The following TTN variants were observed in gnomAD, a reference collection of about 807,000 sequenced individuals.
The protein encoded by TTN is connectin.
TTN carries 1,525 observed loss-of-function variants against 3,223.0 expected under a neutral mutation model. The observed-to-expected ratio is 0.47, with a 90% CI of 0.45 to 0.49. The LOEUF is 0.49. Ranked by LOEUF, TTN falls within the 20% of genes least tolerant of loss-of-function variation. The pLI, the probability that TTN is intolerant of heterozygous loss-of-function variation, is 0.00. For missense variants in TTN, 40,786 were observed against 43,424.0 expected (o/e 0.94, Z 5.40); for synonymous variants, 14,094 against 15,161.0 (o/e 0.93, Z 5.17).
Position 178,730,315 on chromosome 2 carries a change from C to A in TTN, c.18085G>T (p.Val6029Leu). 1 of 1,611,488 alleles carries A rather than the reference C, an allele frequency of 6.2e-7. No homozygotes were observed. The highest frequency in any genetic ancestry group is 8.5e-7 in the Non-Finnish European group (1 of 1,178,700). The change falls in exon 62 of 363, where the codon GTA (valine) becomes TTA (leucine). Residue 6029 changes from valine to leucine, a missense_variant. By Grantham distance (32) the Val-to-Leu change is conservative. Coordinates refer to ENST00000589042, the MANE Select transcript of TTN (RefSeq NM_001267550.2). ...QSQDVNPNTR[V>L]QLKALVGGTA... ...CCACCCACAAGAGCCTTTAACTGTA[C>A]CCTTGTGTTGGGATTGACATCTTGT... is the stretch of plus-strand genomic sequence containing the variant.
chr2:178,704,141 A>G lies in TTN; in HGVS notation c.30223+6T>C. On this transcript the variant is annotated splice_donor_region_variant and intron_variant, in intron 106 of 362. Coordinates refer to ENST00000589042, the MANE Select transcript of TTN (RefSeq NM_001267550.2). ...ACCCACAAGGACTCCATAGTGTTTC[A>G]CGCACCTTCGATTCTGAGTTCTGCT... 1 of 1,613,232 alleles carries G rather than the reference A, an allele frequency of 6.2e-7. No individual in the cohort carries two copies.
At position 178,721,152 on chromosome 2, in the gene TTN, C is replaced by T. The variant is rs2078297932; in HGVS notation, c.22867G>A (p.Gly7623Arg). 6.2e-7 allele frequency: 1 copy of T among 1,609,432 alleles called. No individual in the cohort carries two copies. Among genetic ancestry groups the T allele is most frequent in the South Asian group, 1.1e-5 (1 of 90,744 alleles). Reference protein sequence around the residue: ...KLEASKVAKQGESIQLECKIS... With the variant: ...KLEASKVAKQRESIQLECKIS... ...TTACATTCCAGTTGAATGGATTCTC[C>T]CTGCTTTGCAACTTTTGAAGCTTCT... Residue 7623 changes from glycine to arginine, a missense_variant, in exon 79 of 363, where the codon GGA becomes AGA. By Grantham distance (125) the Gly-to-Arg change is moderately radical. Transcript: ENST00000589042.
In TTN at chr2:178,569,909, G is replaced by A; in HGVS notation, c.76223C>T (p.Pro25408Leu). The change falls in exon 326 of 363, where the codon CCC becomes CTC. Residue 25408 changes from proline to leucine, a missense_variant. By Grantham distance (98) the Pro-to-Leu change is moderately conservative (BLOSUM62 -3). Transcript: ENST00000589042. ...GTCTATGACTTTGGGGTTGTTTGGGGGTCCTGGTTTATAAATAGGATCACA... is the reference window on the plus strand; with the variant it reads ...GTCTATGACTTTGGGGTTGTTTGGGAGTCCTGGTTTATAAATAGGATCACA... ...KACDPIYKPG[P>L]PNNPKVIDIT... 1 of 1,613,242 alleles carries A rather than the reference G, an allele frequency of 6.2e-7. No homozygotes were observed. The highest frequency in any genetic ancestry group is 8.5e-7 in the Non-Finnish European group (1 of 1,179,550).
rs116063758 is a variant in TTN at position 178,765,775 on chromosome 2, A to C, written c.9703+606T>G. Among the ~76,000 whole-genome samples, 520 of 152,224 alleles carry C rather than the reference A, an allele frequency of 3.4e-3. 4 individuals are homozygous for C. Among genetic ancestry groups the C allele is most frequent in the Non-Finnish European group, 3.8e-3 (257 of 68,008 alleles). The stretch of plus-strand genomic sequence containing the variant: ...GGTCAGCTTGAGATTCAGCCTTAAG[A>C]TTTCTAATGAGGAGAGCAGAGGTTT... On this transcript the variant is annotated intron_variant, in intron 41 of 362. Transcript: ENST00000589042.
intron 2 of TTN, 47 bp downstream of exon 2, chr2:178,804,505 G>T (rs183427070): frequency 1.3e-6 from 2 of 1,519,778 alleles, no homozygotes; most frequent in African/African-American, 3.2e-5. Flanking sequence ...ACTTACTGGA[G>T]AGGAGGCAAA....
Position 178,800,549 on chromosome 2 carries a change from T to C in TTN, c.429A>G (p.Glu143=), listed in dbSNP as rs878966869. The C allele has an allele frequency of 1.9e-6, 3 of 1,614,180 alleles. No homozygotes were observed. The highest frequency in any genetic ancestry group is 1.7e-6 in the Non-Finnish European group (2 of 1,180,014). The change falls in exon 4 of 363, where the codon GAA becomes GAG. Residue 143 remains glutamate (E), a synonymous_variant. Coordinates refer to ENST00000589042, the MANE Select transcript of TTN (RefSeq NM_001267550.2). ...TTTGGAAATCAAGGGAGCTCTGGAT[T>C]TCGGCTCCATCCCGGTAGAACTTCA... ...PVVKFYRDGA[E]IQSSLDFQIS... is the part of the protein sequence containing the mutation.
rs751997307 is a variant in TTN at position 178,799,920 on chromosome 2, G to T, written c.584-10C>A. ...GGTACTTCTTCTTCACCTGTGGGAA[G>T]GGAAAGATGAATGTTTGGGAGGGGG... On this transcript the variant is annotated splice_polypyrimidine_tract_variant and intron_variant, in intron 4 of 362. Coordinates refer to ENST00000589042, the MANE Select transcript of TTN (RefSeq NM_001267550.2). 6.2e-7 allele frequency: 1 copy of T among 1,613,802 alleles called. No individual in the cohort carries two copies. Among genetic ancestry groups the T allele is most frequent in the Non-Finnish European group, 8.5e-7 (1 of 1,179,866 alleles).
chr2:178,718,425 T>C lies in TTN; in HGVS notation c.24681A>G (p.Ile8227Met), dbSNP rs1300167182. 14 of 1,613,594 alleles carry C rather than the reference T, an allele frequency of 8.7e-6. No individual in the cohort carries two copies. The highest frequency in any genetic ancestry group is 1.7e-5 in the Admixed American group (1 of 59,988). Reference sequence around the variant, plus strand: ...CTATTGTGCTCTCAAGAATTTCCAGTATGGTAGATTTTTCTGTCATAGTAA... The same window carrying C: ...CTATTGTGCTCTCAAGAATTTCCAGCATGGTAGATTTTTCTGTCATAGTAA... Reference protein sequence around the residue: ...CSITMTEKSTILEILESTIED... With the variant: ...CSITMTEKSTMLEILESTIED... Residue 8227 changes from isoleucine (I) to methionine (M), a missense_variant, in exon 85 of 363, where the codon ATA becomes ATG. Ile to Met is a conservative substitution (Grantham distance 10). Transcript: ENST00000589042.
chr2:178,788,876 C>T (rs964162097), intron 13 of TTN, among the ~76,000 whole-genome samples: 3 of 151,856 alleles, frequency 2.0e-5, no homozygotes, highest in Non-Finnish European at 2.9e-5. Flanking sequence ...CTGATATTTA[C>T]AGGAGGGAAA....
At chr2:178,527,921 C>A in intron 361 of TTN, 173 bp from the exon 362 acceptor site, 1 of 592,252 alleles carries the variant, frequency 1.7e-6, no homozygotes, top group South Asian at 3.0e-5. Context: ...CAAGAGCTAG[C>A]TCAATGTCTC....
Position 178,631,078 on chromosome 2 carries a change from C to G in TTN, c.43970G>C (p.Cys14657Ser), listed in dbSNP as rs774245300. Residue 14657 changes from cysteine to serine, a missense_variant, in exon 237 of 363, where the codon TGT (cysteine) becomes TCT (serine). Cys to Ser is a moderately radical substitution (Grantham distance 112). Coordinates refer to ENST00000589042, the MANE Select transcript of TTN (RefSeq NM_001267550.2). ...TGAGGTCTTATCTGTCCCACAGTCACAGGTGTACTGTCCAATATCTGATTT... is the reference window on the plus strand; with the variant it reads ...TGAGGTCTTATCTGTCCCACAGTCAGAGGTGTACTGTCCAATATCTGATTT... ...ALKSDIGQYT[C>S]DCGTDKTSGK... 14 of 1,613,220 alleles carry G rather than the reference C, an allele frequency of 8.7e-6. No homozygotes were observed. The African/African-American group carries it at 1.7e-4, about 20-fold the overall frequency.
At position 178,717,182 on chromosome 2, in the gene TTN, C is replaced by A; in HGVS notation, c.25552G>T (p.Val8518Leu). 6.2e-7 allele frequency: 1 copy of A among 1,613,650 alleles called. No individual in the cohort carries two copies. The highest frequency in any genetic ancestry group is 8.5e-7 in the Non-Finnish European group (1 of 1,179,656). ...TACTGCCCGGCATCGCCTTTGCCTA[C>A]TTTGAGAACTGTCAGAGTGGCAGTA... The part of the protein sequence containing the change: ...ENTATLTVLK[V>L]GKGDAGQYTC... The change falls in exon 88 of 363, where the codon GTA becomes TTA. Residue 8518 changes from valine to leucine, a missense_variant. Physicochemically the swap from Val to Leu is conservative, Grantham distance 32. Transcript: ENST00000589042.
intron 273 of TTN, 92 bp from the exon 274 acceptor site, chr2:178,609,000 T>A: frequency 6.7e-7 from 1 of 1,483,720 alleles, no homozygotes; most frequent in South Asian, 1.3e-5. Flanking sequence ...CTGACATGAT[T>A]TGTGGTTTTC....
rs878871703 is a variant in TTN at position 178,777,572 on chromosome 2, A to T, written c.4493T>A (p.Val1498Asp). The T allele has an allele frequency of 6.2e-7, 1 of 1,613,840 alleles. No individual in the cohort carries two copies. The highest frequency in any genetic ancestry group is 1.3e-5 in the African/African-American group (1 of 74,924). ...GACTACTTTATGGGTATAGTCATTG[A>T]CAATTTGCTGGCCTGTGAAAATATG... ...TFWFHDGQQI[V>D]NDYTHKVVIK... Residue 1498 changes from valine (V) to aspartate (D), a missense_variant, in exon 26 of 363, where the codon GTC becomes GAC. Val to Asp is a radical substitution (Grantham distance 152). Coordinates refer to ENST00000589042, the MANE Select transcript of TTN (RefSeq NM_001267550.2).
rs1705132608 is a variant in TTN, at chr2:178,564,935, A to G, written c.81197T>C (p.Val27066Ala). 1 of 1,612,468 alleles carries G rather than the reference A, an allele frequency of 6.2e-7. No homozygotes were observed. Among genetic ancestry groups the G allele is most frequent in the Non-Finnish European group, 8.5e-7 (1 of 1,179,268 alleles). ...SAPLDSKAVI[V>A]QYPFKEPGPP... ...TCCAGGTTCTTTAAATGGATATTGTACAATAACTGCCTTAGAATCCAGTGG... is the reference window on the plus strand; with the variant it reads ...TCCAGGTTCTTTAAATGGATATTGTGCAATAACTGCCTTAGAATCCAGTGG... Residue 27066 changes from valine to alanine, a missense_variant, in exon 326 of 363, where the codon GTA becomes GCA. Val to Ala is a moderately conservative substitution (Grantham distance 64). Coordinates refer to ENST00000589042, the MANE Select transcript of TTN (RefSeq NM_001267550.2).
rs1315406608 is a variant in TTN, at chr2:178,685,000, A to G, written c.32471-11T>C. Reference sequence around the variant, plus strand: ...TAGGTGCTTCAGGAACTTTAGAAAGATTAGGTTTAAGAATATGAGTTTGCC... The same window carrying G: ...TAGGTGCTTCAGGAACTTTAGAAAGGTTAGGTTTAAGAATATGAGTTTGCC... On this transcript the variant is annotated splice_polypyrimidine_tract_variant and intron_variant, in intron 129 of 362. Transcript: ENST00000589042. 1.3e-6 allele frequency: 2 copies of G among 1,584,496 alleles called. No individual in the cohort carries two copies. Among genetic ancestry groups the G allele is most frequent in the African/African-American group, 2.7e-5 (2 of 74,440 alleles).
chr2:178,603,930 C>T lies in TTN; in HGVS notation c.54757G>A (p.Gly18253Arg). ...QFRAMAINAA[G>R]IGPPSEPSDP... ...GATGGTTCACTGGGAGGACCAATTC[C>T]TGCAGCATTTATTGCCATGGCTCTG... Residue 18253 changes from glycine (G) to arginine (R), a missense_variant, in exon 282 of 363, where the codon GGA becomes AGA. Coordinates refer to ENST00000589042, the MANE Select transcript of TTN (RefSeq NM_001267550.2). 1 of 1,612,178 alleles carries T rather than the reference C, an allele frequency of 6.2e-7. No individual in the cohort carries two copies. The highest frequency in any genetic ancestry group is 8.5e-7 in the Non-Finnish European group (1 of 1,178,748).
Position 178,563,691 on chromosome 2 carries a change from T to C in TTN, c.82441A>G (p.Ile27481Val), listed in dbSNP as rs780039092. The change falls in exon 326 of 363, where the codon ATC (isoleucine) becomes GTC (valine). Residue 27481 changes from isoleucine (I) to valine (V), a missense_variant. By Grantham distance (29) the Ile-to-Val change is conservative (BLOSUM62 3). Coordinates refer to ENST00000589042, the MANE Select transcript of TTN (RefSeq NM_001267550.2). This position sits in a 1 kb window ranked among gnomAD's most constrained non-coding sequence, Gnocchi z 4.5. ...GTTACTACCATAGAATCTTTGGTGA[T>C]TGCTGAGACTTCAGGTGTTGAGGGA... is the stretch of plus-strand genomic sequence containing the variant. ...GPPSTPEVSAITKDSMVVTWA... is the reference protein window; with the variant it reads ...GPPSTPEVSAVTKDSMVVTWA... The C allele has an allele frequency of 6.2e-7, 1 of 1,613,794 alleles. No individual in the cohort carries two copies. Among genetic ancestry groups the C allele is most frequent in the Non-Finnish European group, 8.5e-7 (1 of 1,179,756 alleles).
rs766505487 is a variant in TTN, at chr2:178,632,598, C to G, written c.43408G>C (p.Ala14470Pro). 2.9e-5 allele frequency: 46 copies of G among 1,613,290 alleles called. No homozygotes were observed. The highest frequency in any genetic ancestry group is 3.6e-5 in the Non-Finnish European group (42 of 1,179,568). ...TKHSMVIKSA[A>P]FEDEAKYMFE... ...ATGTATTTTGCTTCATCTTCAAAAG[C>G]AGCTGACTTGATCACCATTGAATGC... The change falls in exon 235 of 363, where the codon GCT (alanine) becomes CCT (proline). Residue 14470 changes from alanine to proline, a missense_variant. Coordinates refer to ENST00000589042, the MANE Select transcript of TTN (RefSeq NM_001267550.2).
Sources: gnomAD v4.1 joint callset for allele counts (sites outside exome capture counted in the v4.1 genomes callset) on GRCh38, gnomAD v4.1.1 for gene constraint, Gnocchi (gnomAD v3.1) non-coding constraint, MANE v1.5 for transcripts, NCBI Gene and HGNC (gene_info 2026-07-23, HGNC 2026-07-21) for gene names.